The following DIO2 variants were observed in gnomAD, a reference collection of about 807,000 sequenced individuals.
The protein encoded by DIO2 is type II iodothyronine deiodinase.
DIO2 carries 19 observed loss-of-function variants against 21.4 expected under a neutral mutation model. The observed-to-expected ratio is 0.89, with a 90% CI of 0.62 to 1.30. The LOEUF (loss-of-function observed/expected upper bound fraction) is 1.30. DIO2 is among the 50% of genes most tolerant of loss of function. The probability of loss-of-function intolerance (pLI) is 0.00; values close to 1 mark genes in which losing one functional copy is unlikely to be tolerated. For synonymous variants in DIO2, 122 were observed against 132.9 expected, an observed-to-expected ratio of 0.92 and a Z score of 0.57; for missense variants, 302 against 338.1, an observed-to-expected ratio of 0.89 and a Z score of 0.84.
At chr14:80,224,900 A>G (rs1888541582) in intron 2 of DIO2, among the ~76,000 whole-genome samples, 1 of 152,170 alleles carries the variant, frequency 6.6e-6, no homozygotes, top group African/African-American at 2.4e-5. Context: ...CATGATCACA[A>G]GGTCCCACAA....
At chr14:80,226,864 A>G (rs1394489541) in intron 2 of DIO2, among the ~76,000 whole-genome samples, 2 of 152,234 alleles carry the variant, frequency 1.3e-5, no homozygotes, top group African/African-American at 2.4e-5. Context: ...CACATGGGGT[A>G]CAAATATCTT....
At chr14:80,218,878 T>C (rs1888407494) in intron 2 of DIO2, among the ~76,000 whole-genome samples, 1 of 152,088 alleles carries the variant, frequency 6.6e-6, no homozygotes, top group African/African-American at 2.4e-5. Context: ...CTCAGGAGGC[T>C]GAGGCACGAG....
chr14:80,208,982 C>T (rs539994350), intron 1 of DIO2, among the ~76,000 whole-genome samples: 1 of 152,230 alleles, frequency 6.6e-6, no homozygotes, highest in African/African-American at 2.4e-5. Context: ...TGAACTTGGT[C>T]ACTAATCAAA....
chr14:80,202,456 C>T lies in DIO2; in HGVS notation c.*233G>A. 1.4e-6 allele frequency: 1 copy of T among 738,846 alleles called. No individual in the cohort carries two copies. The highest frequency in any genetic ancestry group is 1.4e-5 in the South Asian group (1 of 72,872). 45.8% of individuals were successfully genotyped at this position (738,846 alleles called of 1,614,324 possible). ...CGTTTCTTCCTCTCCATCTTGGGAT[C>T]TTTTCACATAGGGCTTTTTACTAAG... On this transcript the variant is annotated 3_prime_UTR_variant, in exon 2 of 2. Coordinates refer to ENST00000438257, the MANE Select transcript of DIO2 (RefSeq NM_013989.5).
rs1160400411 is a variant in DIO2, at chr14:80,200,434, G to C, written c.*2255C>G. ...CTCAGCCTAATCTCATCCCCCCACC[G>C]GCTTATCTGACATACTGTTACTTTA... On this transcript the variant is annotated 3_prime_UTR_variant, in exon 2 of 2. Coordinates refer to ENST00000438257, the MANE Select transcript of DIO2 (RefSeq NM_013989.5). The C allele has an allele frequency of 6.6e-6, 1 of 152,382 alleles. No individual in the cohort carries two copies. The highest frequency in any genetic ancestry group is 6.6e-5 in the Admixed American group (1 of 15,234). 9.4% of individuals were successfully genotyped at this position (152,382 alleles called of 1,614,324 possible).
chr14:80,214,264 C>A (rs1888297077), upstream of DIO2, among the ~76,000 whole-genome samples: 1 of 152,228 alleles, frequency 6.6e-6, no homozygotes, highest in Non-Finnish European at 1.5e-5. Flanking sequence ...TGCTCCCCTG[C>A]AGTGGAGACT....
intron 2 of DIO2, among the ~76,000 whole-genome samples, chr14:80,223,938 A>G: frequency 6.6e-6 from 1 of 152,348 alleles, no homozygotes; most frequent in Non-Finnish European, 1.5e-5. Flanking sequence ...GTAAGGAAAT[A>G]CCGATTATAT....
intron 2 of DIO2, among the ~76,000 whole-genome samples, chr14:80,226,570 C>T (rs1428544075): frequency 6.6e-6 from 1 of 152,210 alleles, no homozygotes; most frequent in East Asian, 1.9e-4. Context: ...CTGATCACCC[C>T]AAGGAATGGT....
chr14:80,227,292 G>A (rs919931256), intron 2 of DIO2, among the ~76,000 whole-genome samples: 15 of 152,210 alleles, frequency 9.9e-5, no homozygotes, highest in African/African-American at 3.6e-4. Flanking sequence ...GGTGGCAGGA[G>A]TGGAGACCAT....
chr14:80,203,109 A>T lies in DIO2; in HGVS notation c.402T>A (p.Pro134=), dbSNP rs1297703159. ...LVVNFGSATU[P]PFTSQLPAFR... is the part of the protein sequence containing the mutation. ...AGGCTGGCAGCTGGCTCGTGAAAGG[A>T]GGTCAAGTGGCTGAGCCAAAGTTGA... The change falls in exon 2 of 2, where the codon CCT becomes CCA. Residue 134 remains proline (P), a synonymous_variant. Coordinates refer to ENST00000438257, the MANE Select transcript of DIO2 (RefSeq NM_013989.5). The T allele has an allele frequency of 6.2e-7, 1 of 1,613,714 alleles. No individual in the cohort carries two copies. Among genetic ancestry groups the T allele is most frequent in the Non-Finnish European group, 8.5e-7 (1 of 1,179,834 alleles).
At chr14:80,212,482 T>C (rs964948713), upstream of DIO2, among the ~76,000 whole-genome samples, 2 of 152,272 alleles carry the variant, frequency 1.3e-5, no homozygotes, top group Non-Finnish European at 2.9e-5. Flanking sequence ...CAGATTGATA[T>C]GGCCAACACT....
At chr14:80,228,544 C>T (rs1888623445) in intron 2 of DIO2, among the ~76,000 whole-genome samples, 1 of 152,194 alleles carries the variant, frequency 6.6e-6, no homozygotes, top group Admixed American at 6.5e-5. Context: ...CTAATCTCTG[C>T]AATCCCTCCA....
chr14:80,206,372 G>T, intron 1 of DIO2: 2 of 1,203,738 alleles, frequency 1.7e-6, no homozygotes, highest in Non-Finnish European at 2.3e-6. Flanking sequence ...TTTTAGATAT[G>T]GAAGTTTCCT....
rs1312007784 is a variant in DIO2 at position 80,198,787 on chromosome 14, A to C, written c.*3902T>G. 2 of 152,030 alleles carry C rather than the reference A, an allele frequency of 1.3e-5. No homozygotes were observed. The highest frequency in any genetic ancestry group is 1.5e-5 in the Non-Finnish European group (1 of 68,024). 9.4% of individuals were successfully genotyped at this position (152,030 alleles called of 1,614,324 possible). ...CCATTTAGGGAAAAAAAAAAAAAAA[A>C]AAAAACCTCCTAAAATTAAAAGCCT... is the stretch of plus-strand genomic sequence containing the variant. On this transcript the variant is annotated 3_prime_UTR_variant, in exon 2 of 2. Coordinates refer to ENST00000438257, the MANE Select transcript of DIO2 (RefSeq NM_013989.5).
rs1292414742 is a variant in DIO2 at position 80,197,643 on chromosome 14, C to T, written c.*5046G>A. The stretch of plus-strand genomic sequence containing the variant: ...CTACTGATAATCTCCCAAAGCAGTT[C>T]ATTTTCTGCAACTGAGAAGCACATA... On this transcript the variant is annotated 3_prime_UTR_variant, in exon 2 of 2. Coordinates refer to ENST00000438257, the MANE Select transcript of DIO2 (RefSeq NM_013989.5). The T allele has an allele frequency of 6.6e-6, 1 of 152,658 alleles. No individual in the cohort carries two copies. Among genetic ancestry groups the T allele is most frequent in the Non-Finnish European group, 1.5e-5 (1 of 68,034 alleles). The allele number at this position is 152,658 out of a possible 1,614,324, so 9.5% of individuals were successfully genotyped here.
chr14:80,218,965 G>A (rs1888410461), intron 2 of DIO2, among the ~76,000 whole-genome samples: 1 of 152,136 alleles, frequency 6.6e-6, no homozygotes, highest in Admixed American at 6.5e-5. Flanking sequence ...GCCACAGAGT[G>A]AGACTCTGTC....
At chr14:80,205,364 G>A (rs971597748) in intron 1 of DIO2, among the ~76,000 whole-genome samples, 4 of 152,118 alleles carry the variant, frequency 2.6e-5, no homozygotes, top group Admixed American at 6.6e-5. Flanking sequence ...AGATTAGTCC[G>A]TTGTAGGGAC....
At chr14:80,229,589 C>T (rs1309208622) in intron 2 of DIO2, among the ~76,000 whole-genome samples, 1 of 152,176 alleles carries the variant, frequency 6.6e-6, no homozygotes, top group African/African-American at 2.4e-5. Flanking sequence ...CCATCCCAAT[C>T]TCCCTAAGCC....
chr14:80,214,580 C>A (rs1246259073), upstream of DIO2, among the ~76,000 whole-genome samples: 4 of 152,100 alleles, frequency 2.6e-5, no homozygotes, highest in Non-Finnish European at 5.9e-5. Context: ...CAGATTTCTT[C>A]AATCATTTTT....
Sources: gnomAD v4.1 joint callset for allele counts (sites outside exome capture counted in the v4.1 genomes callset) on GRCh38, gnomAD v4.1.1 for gene constraint, MANE v1.5 for transcripts, NCBI Gene and HGNC (gene_info 2026-07-23, HGNC 2026-07-21) for gene names.